CCSER1: variants seen among roughly 807,000 people sequenced by gnomAD.
CCSER1 encodes serine-rich coiled-coil domain-containing protein 1.
In CCSER1, 41 loss-of-function variants were observed where a neutral mutation model predicts 82.0. The observed-to-expected ratio is 0.50, with a 90% CI of 0.39 to 0.65. The LOEUF is 0.65. Among genes scored for constraint, CCSER1 ranks in the 30% least tolerant of loss-of-function variants. The pLI, the probability that CCSER1 is intolerant of heterozygous loss-of-function variation, is 0.00. For missense variants in CCSER1, 1,119 were observed against 1,064.2 expected (o/e 1.05, Z -0.72); for synonymous variants, 414 against 383.9 (o/e 1.08, Z -0.92).
chr4:90,217,939 A>G (rs1741401575), intron 1 of CCSER1, among the ~76,000 whole-genome samples: 1 of 151,830 alleles, frequency 6.6e-6, no homozygotes, highest in Non-Finnish European at 1.5e-5. Context: ...GAGACTACAG[A>G]CACACACCAC....
At chr4:91,154,171 C>T (rs1442485440) in intron 10 of CCSER1, among the ~76,000 whole-genome samples, 1 of 152,044 alleles carries the variant, frequency 6.6e-6, no homozygotes, top group African/African-American at 2.4e-5. Flanking sequence ...GTTGAAGCTT[C>T]CCTGGCTGCT....
chr4:90,865,373 C>G (rs577705709), intron 8 of CCSER1, among the ~76,000 whole-genome samples: 2 of 152,054 alleles, frequency 1.3e-5, no homozygotes, highest in African/African-American at 4.8e-5. Context: ...TTTGTTTAGT[C>G]AGAGGTGACC....
At chr4:90,860,504 G>C (rs191566852) in intron 8 of CCSER1, among the ~76,000 whole-genome samples, 1 of 151,658 alleles carries the variant, frequency 6.6e-6, no homozygotes, top group East Asian at 1.9e-4. Flanking sequence ...TCTACTTCTA[G>C]ATGTGATGCA....
At chr4:90,887,268 T>G (rs1006110963) in intron 8 of CCSER1, among the ~76,000 whole-genome samples, 3 of 152,236 alleles carry the variant, frequency 2.0e-5, no homozygotes, top group African/African-American at 4.8e-5. Flanking sequence ...CTTTTCTATT[T>G]TTGAGAAGAG....
chr4:90,381,978 A>G (rs895405876), intron 3 of CCSER1, among the ~76,000 whole-genome samples: 1 of 152,222 alleles, frequency 6.6e-6, no homozygotes, highest in South Asian at 2.1e-4. Context: ...ATTGTAGAGC[A>G]CTTCATCCAT....
At chr4:91,531,456 GATA>G (rs1761026238) in intron 10 of CCSER1, among the ~76,000 whole-genome samples, 1 of 152,086 alleles carries the variant, frequency 6.6e-6, no homozygotes, top group East Asian at 1.9e-4. Flanking sequence ...AAGAAACAAA[GATA>G]ATAATGTAAG....
intron 10 of CCSER1, among the ~76,000 whole-genome samples, chr4:91,288,859 G>T (rs1388568342): frequency 6.6e-6 from 1 of 151,998 alleles, no homozygotes; most frequent in Non-Finnish European, 1.5e-5. Flanking sequence ...TACTGAGAAG[G>T]CCACATCAGT....
chr4:91,457,834 T>G (rs373811622), intron 10 of CCSER1, among the ~76,000 whole-genome samples: 13 of 152,176 alleles, frequency 8.5e-5, no homozygotes, highest in African/African-American at 3.1e-4. Flanking sequence ...TGTACTGATA[T>G]TAAAGAATGG....
chr4:90,914,397 C>T (rs2085093), intron 8 of CCSER1, among the ~76,000 whole-genome samples: 18 of 151,636 alleles, frequency 1.2e-4, no homozygotes, highest in African/African-American at 2.4e-4. Flanking sequence ...AATGACTGCT[C>T]GGTACATAAC....
intron 1 of CCSER1, among the ~76,000 whole-genome samples, chr4:90,213,790 C>T (rs1277482182): frequency 6.6e-6 from 1 of 152,080 alleles, no homozygotes; most frequent in Non-Finnish European, 1.5e-5. Context: ...GTGGTCTTAG[C>T]AATATGAAGA....
chr4:90,394,270 T>C (rs1751648635), intron 3 of CCSER1, among the ~76,000 whole-genome samples: 1 of 152,070 alleles, frequency 6.6e-6, no homozygotes, highest in South Asian at 2.1e-4. Context: ...TAGTTATCTA[T>C]AAGATATATG....
At chr4:91,052,457 G>A (rs1358429558) in intron 9 of CCSER1, among the ~76,000 whole-genome samples, 1 of 152,000 alleles carries the variant, frequency 6.6e-6, no homozygotes, top group African/African-American at 2.4e-5. Context: ...TTACACTTAT[G>A]TTTGGACATA....
intron 9 of CCSER1, among the ~76,000 whole-genome samples, chr4:91,018,166 A>C (rs564285353): frequency 6.6e-6 from 1 of 152,020 alleles, no homozygotes; most frequent in Non-Finnish European, 1.5e-5. Flanking sequence ...CAATTCTTTC[A>C]TCTATTTATT....
At chr4:90,938,558 G>A (rs186016563) in intron 9 of CCSER1, 18 of 200,604 alleles carry the variant, frequency 9.0e-5, no homozygotes, top group African/African-American at 2.5e-4. Context: ...AAATAGAACC[G>A]TTTTATGTTG....
chr4:90,757,967 T>C (rs1749819630), intron 7 of CCSER1, among the ~76,000 whole-genome samples: 1 of 150,946 alleles, frequency 6.6e-6, no homozygotes. Context: ...AGATGGAGTT[T>C]CACTCTTGTT....
chr4:90,691,486 A>G (rs1291229074), intron 6 of CCSER1, among the ~76,000 whole-genome samples: 1 of 151,928 alleles, frequency 6.6e-6, no homozygotes, highest in Non-Finnish European at 1.5e-5. Context: ...ATTATATATC[A>G]CATGTATATA....
chr4:90,465,302 G>C (rs1218075255), intron 4 of CCSER1, among the ~76,000 whole-genome samples: 1 of 150,850 alleles, frequency 6.6e-6, no homozygotes, highest in Admixed American at 6.6e-5. Context: ...ACCGCGCCCA[G>C]GCAGCACTTT....
chr4:91,154,589 A>G (rs570966167), intron 10 of CCSER1, among the ~76,000 whole-genome samples: 30 of 152,164 alleles, frequency 2.0e-4, no homozygotes, highest in African/African-American at 6.0e-4. Flanking sequence ...TTGAAAATGC[A>G]GGAATCACCC....
intron 9 of CCSER1, among the ~76,000 whole-genome samples, chr4:90,990,177 A>C (rs1358264782): frequency 6.6e-6 from 1 of 151,876 alleles, no homozygotes; most frequent in African/African-American, 2.4e-5. Flanking sequence ...GAGTGCTTTC[A>C]AGTGGAGAGT....
Sources: gnomAD v4.1 joint callset for allele counts (sites outside exome capture counted in the v4.1 genomes callset) on GRCh38, gnomAD v4.1.1 for gene constraint, MANE v1.5 for transcripts, NCBI Gene and HGNC (gene_info 2026-07-23, HGNC 2026-07-21) for gene names.